Variants in ZNF106 observed in about 807,000 individuals in gnomAD.
ZNF106 encodes the protein SH3-domain binding protein 3.
ZNF106 carries 67 observed loss-of-function variants against 195.1 expected under a neutral mutation model. The observed-to-expected ratio is 0.34, with a 90% CI of 0.28 to 0.42. The LOEUF (loss-of-function observed/expected upper bound fraction) is 0.42, where lower values mean the gene tolerates loss of function less well. Among genes scored for constraint, ZNF106 ranks in the 10% least tolerant of loss-of-function variants. The pLI, the probability that ZNF106 is intolerant of heterozygous loss-of-function variation, is 1.00. For missense variants in ZNF106, 2,118 were observed against 2,304.5 expected (o/e 0.92, Z 1.66); for synonymous variants, 784 against 818.6 (o/e 0.96, Z 0.72).
chr15:42,425,129 A>G, intron 15 of ZNF106, 104 bp from the exon 16 acceptor site: 1 of 1,105,906 alleles, frequency 9.0e-7, no homozygotes, highest in South Asian at 1.5e-5. Flanking sequence ...CCTGTACTCA[A>G]ATTTTCATAC....
intron 19 of ZNF106, 57 bp downstream of exon 19, chr15:42,421,860 G>T (rs1216790449): frequency 2.1e-6 from 3 of 1,439,200 alleles, no homozygotes; most frequent in African/African-American, 2.8e-5. Flanking sequence ...GAAGTGACAA[G>T]AATTTTTTAG....
rs770356006 is a variant in ZNF106, at chr15:42,451,403, G to T, written c.869C>A (p.Ser290Tyr). 2 of 1,614,120 alleles carry T rather than the reference G, an allele frequency of 1.2e-6. No homozygotes were observed. The highest frequency in any genetic ancestry group is 1.7e-6 in the Non-Finnish European group (2 of 1,180,016). Residue 290 changes from serine (S) to tyrosine (Y), a missense_variant, in exon 5 of 22, where the codon TCT (serine) becomes TAT (tyrosine). Physicochemically the swap from Ser to Tyr is moderately radical, Grantham distance 144 (BLOSUM62 -2). Coordinates refer to ENST00000564754, the MANE Select transcript of ZNF106 (RefSeq NM_001366845.3). ...GTGACTGTATTTGTTTGACTTATTA[G>T]ATTTCTTGTTCCATAGCATAGTCAT... Reference protein sequence around the residue: ...EDMTMLWNKKSNKSNKYSHDR... With the variant: ...EDMTMLWNKKYNKSNKYSHDR...
intron 2 of ZNF106, among the ~76,000 whole-genome samples, chr15:42,467,849 C>T (rs2056557196): frequency 6.6e-6 from 1 of 152,042 alleles, no homozygotes; most frequent in Admixed American, 6.6e-5. Flanking sequence ...GTCTTGCCCT[C>T]TCGGAGTGAC....
At chr15:42,462,418 C>A (rs1328249566) in intron 3 of ZNF106, among the ~76,000 whole-genome samples, 1 of 151,942 alleles carries the variant, frequency 6.6e-6, no homozygotes, top group South Asian at 2.1e-4. Context: ...GTCAACATGG[C>A]GAAACCCAGT....
At chr15:42,429,749 T>A (rs937153108) in intron 14 of ZNF106, among the ~76,000 whole-genome samples, 1 of 152,058 alleles carries the variant, frequency 6.6e-6, no homozygotes, top group African/African-American at 2.4e-5. Context: ...CCATTAATCC[T>A]ATGAGATCTT....
In ZNF106 at chr15:42,442,322, C is replaced by A. The variant is rs540923068; in HGVS notation, c.3514G>T (p.Ala1172Ser). 2 of 1,614,088 alleles carry A rather than the reference C, an allele frequency of 1.2e-6. No individual in the cohort carries two copies. The highest frequency in any genetic ancestry group is 1.1e-5 in the South Asian group (1 of 91,076). ...NSRSQTSIDAALLPTPFFPLF... is the reference protein window; with the variant it reads ...NSRSQTSIDASLLPTPFFPLF... ...GGGAAAAAGGGAGTGGGCAGCAGTG[C>A]GGCATCAATGGATGTTTGAGATCTA... Residue 1172 changes from alanine (A) to serine (S), a missense_variant, in exon 10 of 22, where the codon GCA (alanine) becomes TCA (serine). Coordinates refer to ENST00000564754, the MANE Select transcript of ZNF106 (RefSeq NM_001366845.3).
intron 13 of ZNF106, among the ~76,000 whole-genome samples, 178 bp downstream of exon 13, chr15:42,437,054 A>G (rs147410501): frequency 9.8e-5 from 15 of 152,298 alleles, no homozygotes; most frequent in African/African-American, 3.4e-4. Context: ...AGGGAGACAA[A>G]AAGAAATTAA....
rs542551886 is a variant in ZNF106 at position 42,487,538 on chromosome 15, C to T, written c.-33+3442G>A. Reference sequence around the variant, plus strand: ...AAGCTTTTAGGAAAAACTATTACTACCCCCTCCTGTTTCCTAGCCACCGCC... The same window carrying T: ...AAGCTTTTAGGAAAAACTATTACTATCCCCTCCTGTTTCCTAGCCACCGCC... On this transcript the variant is annotated intron_variant, in intron 1 of 21. Transcript: ENST00000564754. Among the ~76,000 whole-genome samples the T allele has an allele frequency of 4.0e-4, 60 of 148,520 alleles. 1 individual carries two copies. The highest frequency in any genetic ancestry group is 3.5e-3 in the Middle Eastern group (1 of 282).
chr15:42,438,636 T>C lies in ZNF106; in HGVS notation c.4576A>G (p.Ile1526Val). The stretch of plus-strand genomic sequence containing the variant: ...CCTGAAGAATTCTTTGATCCTTTTA[T>C]GGAGGAGATCACAGTCTGAGTTTCT... ...VAETQTVISS[I>V]KGSKNSSEIS... The change falls in exon 12 of 22, where the codon ATA becomes GTA. Residue 1526 changes from isoleucine to valine, a missense_variant. By Grantham distance (29) the Ile-to-Val change is conservative. Transcript: ENST00000564754. 1 of 1,613,858 alleles carries C rather than the reference T, an allele frequency of 6.2e-7. No homozygotes were observed. Among genetic ancestry groups the C allele is most frequent in the Non-Finnish European group, 8.5e-7 (1 of 1,179,838 alleles).
chr15:42,433,607 C>T (rs1379933743), intron 14 of ZNF106, among the ~76,000 whole-genome samples: 1 of 151,544 alleles, frequency 6.6e-6, no homozygotes, highest in Non-Finnish European at 1.5e-5. Context: ...CTCAGCCTCC[C>T]GAGTAGCTGG....
In ZNF106 at chr15:42,417,254, A is replaced by G; in HGVS notation, c.*50T>C. 6.2e-7 allele frequency: 1 copy of G among 1,602,500 alleles called. No individual in the cohort carries two copies. Among genetic ancestry groups the G allele is most frequent in the Non-Finnish European group, 8.5e-7 (1 of 1,169,634 alleles). On this transcript the variant is annotated 3_prime_UTR_variant, in exon 22 of 22. Coordinates refer to ENST00000564754, the MANE Select transcript of ZNF106 (RefSeq NM_001366845.3). ...AGAGAGTGGCCTGTGTGGGGGGCCAATGTGAAAATAGTTCAACTAATGACT... is the reference window on the plus strand; with the variant it reads ...AGAGAGTGGCCTGTGTGGGGGGCCAGTGTGAAAATAGTTCAACTAATGACT...
chr15:42,472,157 A>C, intron 2 of ZNF106, 79 bp downstream of exon 2: 4 of 1,299,282 alleles, frequency 3.1e-6, no homozygotes, highest in Middle Eastern at 2.1e-4. Context: ...ATGTCTATTA[A>C]TATTAATAAC....
At chr15:42,419,919 C>T (rs1464523677) in intron 20 of ZNF106, among the ~76,000 whole-genome samples, 1 of 152,204 alleles carries the variant, frequency 6.6e-6, no homozygotes, top group Non-Finnish European at 1.5e-5. Flanking sequence ...CACTGCACTC[C>T]AGCCTGGGCA....
rs376128302 is a variant in ZNF106, at chr15:42,450,450, C to A, written c.1822G>T (p.Ala608Ser). ...GSLKIEFQVH[A>S]LEDESDGETS... ...TCTCCATCACTTTCATCTTCTAGTG[C>A]GTGCACTTGAAACTCAATTTTCAAA... The change falls in exon 5 of 22, where the codon GCA (alanine) becomes TCA (serine). Residue 608 changes from alanine (A) to serine (S), a missense_variant. Physicochemically the swap from Ala to Ser is moderately conservative, Grantham distance 99 (BLOSUM62 1). Coordinates refer to ENST00000564754, the MANE Select transcript of ZNF106 (RefSeq NM_001366845.3). 3.7e-6 allele frequency: 6 copies of A among 1,614,028 alleles called. No homozygotes were observed. The highest frequency in any genetic ancestry group is 5.1e-6 in the Non-Finnish European group (6 of 1,180,030).
In ZNF106 at chr15:42,448,111, A is replaced by G. The variant is rs762131969; in HGVS notation, c.3096T>C (p.Asn1032=). 6.2e-6 allele frequency: 10 copies of G among 1,613,930 alleles called. No homozygotes were observed. Among genetic ancestry groups the G allele is most frequent in the Non-Finnish European group, 7.6e-6 (9 of 1,179,880 alleles). The change falls in exon 6 of 22, where the codon AAT becomes AAC. Residue 1032 remains asparagine, a synonymous_variant. Coordinates refer to ENST00000564754, the MANE Select transcript of ZNF106 (RefSeq NM_001366845.3). Reference sequence around the variant, plus strand: ...GTTTCTTTCTAATACTTTGGCCATCATTTTGTTCAGCACCAGAGGTACAGC... The same window carrying G: ...GTTTCTTTCTAATACTTTGGCCATCGTTTTGTTCAGCACCAGAGGTACAGC... ...DSSCTSGAEQ[N]DGQSIRKKRR...
At chr15:42,441,249 G>T (rs958019146) in intron 10 of ZNF106, among the ~76,000 whole-genome samples, 2 of 150,780 alleles carry the variant, frequency 1.3e-5, no homozygotes. Flanking sequence ...AGGATGAGGT[G>T]GGAGGATCAA....
chr15:42,489,430 G>A (rs971241043), intron 1 of ZNF106, among the ~76,000 whole-genome samples: 8 of 151,904 alleles, frequency 5.3e-5, no homozygotes, highest in Non-Finnish European at 1.0e-4. Context: ...GCCCGCCTCG[G>A]CCTCCCAGAG....
intron 4 of ZNF106, among the ~76,000 whole-genome samples, chr15:42,456,321 T>G (rs566401832): frequency 6.6e-6 from 1 of 152,310 alleles, no homozygotes; most frequent in South Asian, 2.1e-4. Context: ...CTGGAAAATT[T>G]AAACGCCAAA....
chr15:42,490,671 C>T (rs1013697854), intron 1 of ZNF106, among the ~76,000 whole-genome samples: 3 of 152,176 alleles, frequency 2.0e-5, no homozygotes, highest in African/African-American at 7.2e-5. Flanking sequence ...GGACTCCCTG[C>T]CCAACTGGGG....
Sources: allele counts gnomAD v4.1 joint callset (sites outside exome capture counted in the v4.1 genomes callset), GRCh38; gene constraint gnomAD v4.1.1; transcripts MANE v1.5; gene names NCBI Gene and HGNC (gene_info 2026-07-23, HGNC 2026-07-21).